Variants in MCOLN2 observed in about 807,000 individuals in gnomAD.
The protein encoded by MCOLN2 is mucolipin TRP cation channel 2.
A neutral mutation model predicts 67.5 loss-of-function variants in MCOLN2; 57 were observed. That is an observed-to-expected ratio of 0.84 (90% CI 0.68 to 1.05). MCOLN2 has a LOEUF of 1.05. MCOLN2 is among the 50% of genes least tolerant of loss of function. The pLI, the probability that MCOLN2 is intolerant of heterozygous loss-of-function variation, is 0.00. For missense variants in MCOLN2, 620 were observed against 678.8 expected (o/e 0.91, Z 0.96); for synonymous variants, 246 against 233.3 (o/e 1.05, Z -0.50).
At chr1:84,989,763 CA>C (rs1452182827) in intron 1 of MCOLN2, among the ~76,000 whole-genome samples, 7 of 151,900 alleles carry the variant, frequency 4.6e-5, no homozygotes, top group Admixed American at 3.3e-4. Flanking sequence ...TTTACACAGG[CA>C]AAAGTTAACT....
intron 11 of MCOLN2, among the ~76,000 whole-genome samples, chr1:84,934,574 GCA>G (rs10582028): frequency 0.24 from 36,361 of 152,066 alleles, 5,335 homozygotes; most frequent in East Asian, 0.39. Context: ...AAAATGTAAT[GCA>G]GAGTCTGCTG....
At chr1:84,965,522 A>T in intron 2 of MCOLN2, 27 bp downstream of exon 2, 1 of 1,606,020 alleles carries the variant, frequency 6.2e-7, no homozygotes, top group Non-Finnish European at 8.5e-7. Context: ...TAAGGGAAAA[A>T]CCAAATGAAA....
At position 84,940,956 on chromosome 1, in the gene MCOLN2, C is replaced by A. The variant is rs1183136822; in HGVS notation, c.883G>T (p.Ala295Ser). The change falls in exon 8 of 14, where the codon GCA becomes TCA. Residue 295 changes from alanine to serine, a missense_variant. By Grantham distance (99) the Ala-to-Ser change is moderately conservative (BLOSUM62 1). Coordinates refer to ENST00000370608, the MANE Select transcript of MCOLN2 (RefSeq NM_153259.4). The part of the protein sequence containing the change: ...KNAQYVLVFD[A>S]FVIVICLASL... ...GCCAAGCAAATCACAATGACAAATG[C>A]ATCAAACACCAGGACATACTGAGCA... 3 of 1,613,394 alleles carry A rather than the reference C, an allele frequency of 1.9e-6. No individual in the cohort carries two copies. The highest frequency in any genetic ancestry group is 2.5e-6 in the Non-Finnish European group (3 of 1,179,598).
At position 84,939,668 on chromosome 1, in the gene MCOLN2, C is replaced by T. The variant is rs377388900; in HGVS notation, c.995G>A (p.Arg332Gln). 5.1e-5 allele frequency: 83 copies of T among 1,613,890 alleles called. No individual in the cohort carries two copies. In the Admixed American group the frequency reaches 6.7e-4, roughly 13 times the overall value. ...FLNFFLEKYKRPVCDTDQWEF... is the reference protein window; with the variant it reads ...FLNFFLEKYKQPVCDTDQWEF... ...CCACTGGTCGGTGTCACACACAGGC[C>T]GCTTGTACTTCTCCAGGAAGAAATT... The change falls in exon 9 of 14, where the codon CGG (arginine) becomes CAG (glutamine). Residue 332 changes from arginine to glutamine, a missense_variant. By Grantham distance (43) the Arg-to-Gln change is conservative (BLOSUM62 1). Coordinates refer to ENST00000370608, the MANE Select transcript of MCOLN2 (RefSeq NM_153259.4).
chr1:84,937,942 T>G, intron 10 of MCOLN2, 39 bp downstream of exon 10: 1 of 1,612,648 alleles, frequency 6.2e-7, no homozygotes, highest in South Asian at 1.1e-5. Flanking sequence ...AATAAATGAG[T>G]CTCAACTGCA....
At chr1:84,931,930 G>A (rs1021409684) in intron 11 of MCOLN2, among the ~76,000 whole-genome samples, 2 of 151,898 alleles carry the variant, frequency 1.3e-5, no homozygotes, top group African/African-American at 4.8e-5. Context: ...AGGCTGGGGT[G>A]GGAGAATCTC....
Position 84,939,659 on chromosome 1 carries a change from C to T in MCOLN2, c.1004G>A (p.Cys335Tyr). ...GATGAACTCCCACTGGTCGGTGTCA[C>T]ACACAGGCCGCTTGTACTTCTCCAG... ...FFLEKYKRPV[C>Y]DTDQWEFING... Residue 335 changes from cysteine (C) to tyrosine (Y), a missense_variant, in exon 9 of 14, where the codon TGT becomes TAT. By Grantham distance (194) the Cys-to-Tyr change is radical. Transcript: ENST00000370608. 1 of 1,614,010 alleles carries T rather than the reference C, an allele frequency of 6.2e-7. No individual in the cohort carries two copies. Among genetic ancestry groups the T allele is most frequent in the Non-Finnish European group, 8.5e-7 (1 of 1,179,878 alleles).
chr1:84,971,558 C>G (rs943487722), intron 1 of MCOLN2, among the ~76,000 whole-genome samples: 12 of 146,476 alleles, frequency 8.2e-5, no homozygotes, highest in Admixed American at 2.0e-4. Context: ...TATCTTATTG[C>G]TATAACAAAA....
chr1:84,926,713 CT>C lies in MCOLN2; in HGVS notation c.1672del (p.Ser558ValfsTer5). ...SCICCRRRKR[S>X]DDHLIPIS ...GCTAATAGGTATCAAGTGATCATCA[CT>C]TCTTTTCCTGTAACAGAAAGGGAAA... is the stretch of plus-strand genomic sequence containing the variant. On this transcript the variant is annotated frameshift_variant, in exon 14 of 14. Transcript: ENST00000370608. LOFTEE classifies it high-confidence loss of function. The C allele has an allele frequency of 6.3e-7, 1 of 1,594,354 alleles. No homozygotes were observed. The highest frequency in any genetic ancestry group is 8.6e-7 in the Non-Finnish European group (1 of 1,168,100).
At chr1:84,956,641 G>A (rs749837427) in intron 3 of MCOLN2, 57 bp from the exon 4 acceptor site, 2 of 1,395,730 alleles carry the variant, frequency 1.4e-6, no homozygotes, top group Non-Finnish European at 1.9e-6. Context: ...TTTGATCAGA[G>A]GTTATAGCAT....
At chr1:84,994,343 T>G (rs1651043314) in intron 1 of MCOLN2, among the ~76,000 whole-genome samples, 1 of 123,306 alleles carries the variant, frequency 8.1e-6, no homozygotes, top group Non-Finnish European at 1.9e-5. Context: ...TGAAATCAGA[T>G]GCTGGCTTGT....
chr1:84,929,556 A>C lies in MCOLN2; in HGVS notation c.1664+2T>G. On this transcript the variant is annotated splice_donor_variant, in intron 13 of 13. Coordinates refer to ENST00000370608, the MANE Select transcript of MCOLN2 (RefSeq NM_153259.4). LOFTEE classifies it high-confidence loss of function. ...AGCATGGAGAATAAACATGATACTG[A>C]CCTCCTCCGACAGCAGATGCAGGAC... is the stretch of plus-strand genomic sequence containing the variant. 1 of 1,611,478 alleles carries C rather than the reference A, an allele frequency of 6.2e-7. No homozygotes were observed. The highest frequency in any genetic ancestry group is 8.5e-7 in the Non-Finnish European group (1 of 1,178,390).
chr1:84,945,373 G>T (rs545900832), intron 7 of MCOLN2, among the ~76,000 whole-genome samples: 2 of 152,268 alleles, frequency 1.3e-5, no homozygotes, highest in East Asian at 3.9e-4. Context: ...TGATCTCTGC[G>T]TATCTGTAAG....
chr1:84,959,916 T>A (rs1463485872), intron 2 of MCOLN2, among the ~76,000 whole-genome samples: 1 of 152,198 alleles, frequency 6.6e-6, no homozygotes, highest in Non-Finnish European at 1.5e-5. Flanking sequence ...TAATGTTAAT[T>A]TAGCTGGGTG....
At chr1:84,951,023 C>G (rs544755197) in intron 6 of MCOLN2, among the ~76,000 whole-genome samples, 2 of 152,320 alleles carry the variant, frequency 1.3e-5, no homozygotes, top group South Asian at 4.1e-4. Flanking sequence ...AGACCAAACT[C>G]CATGCTCCTC....
chr1:84,978,865 C>G (rs1650119716), intron 1 of MCOLN2, among the ~76,000 whole-genome samples: 1 of 152,006 alleles, frequency 6.6e-6, no homozygotes, highest in South Asian at 2.1e-4. Context: ...AGTATTAACT[C>G]ACATGATCAC....
chr1:84,939,092 G>C (rs1396628187), intron 9 of MCOLN2, among the ~76,000 whole-genome samples: 1 of 152,120 alleles, frequency 6.6e-6, no homozygotes, highest in African/African-American at 2.4e-5. Context: ...GAATAGTGCG[G>C]TGAAGGAGGA....
intron 11 of MCOLN2, among the ~76,000 whole-genome samples, chr1:84,937,299 C>T (rs766877439): frequency 1.3e-4 from 20 of 152,208 alleles, no homozygotes; most frequent in Non-Finnish European, 2.8e-4. Context: ...AGAGACAAGA[C>T]GTGTCACCAT....
intron 6 of MCOLN2, among the ~76,000 whole-genome samples, chr1:84,947,714 G>A (rs1041811818): frequency 2.6e-5 from 4 of 152,246 alleles, no homozygotes; most frequent in African/African-American, 7.2e-5. Flanking sequence ...TCACCTCTGT[G>A]ACCTAAGCTG....
Sources: gnomAD v4.1 joint callset for allele counts (sites outside exome capture counted in the v4.1 genomes callset) on GRCh38, gnomAD v4.1.1 for gene constraint, MANE v1.5 for transcripts, NCBI Gene and HGNC (gene_info 2026-07-23, HGNC 2026-07-21) for gene names.